Variants in VAV3 observed in about 807,000 individuals in gnomAD.
VAV3 encodes the protein guanine nucleotide exchange factor VAV3.
Under a neutral mutation model 131.2 loss-of-function variants are expected in VAV3, and 94 were observed. The observed-to-expected ratio is 0.72, with a 90% CI of 0.61 to 0.85. The LOEUF (loss-of-function observed/expected upper bound fraction) is 0.85. VAV3 is among the 40% of genes least tolerant of loss of function. The pLI is 0.00. For missense variants in VAV3, 939 were observed against 1,002.7 expected, an observed-to-expected ratio of 0.94 and a Z score of 0.86; for synonymous variants, 349 against 342.0, an observed-to-expected ratio of 1.02 and a Z score of -0.22.
chr1:107,684,954 T>C (rs978843949), intron 18 of VAV3, among the ~76,000 whole-genome samples: 2 of 152,226 alleles, frequency 1.3e-5, no homozygotes, highest in Non-Finnish European at 1.5e-5. Context: ...AATTATTTAA[T>C]GATGGGCAAC....
chr1:107,843,500 G>T (rs1010710587), intron 2 of VAV3, among the ~76,000 whole-genome samples: 2 of 148,286 alleles, frequency 1.3e-5, no homozygotes, highest in Admixed American at 6.7e-5. Context: ...GAATTACACT[G>T]TTGAGATTAA....
chr1:107,905,059 T>A (rs1454416433), intron 1 of VAV3, among the ~76,000 whole-genome samples: 4 of 152,124 alleles, frequency 2.6e-5, no homozygotes, highest in African/African-American at 9.7e-5. Flanking sequence ...AATCAAGGAA[T>A]ATCAAGGAGC....
At chr1:107,777,176 A>G in intron 4 of VAV3, 55 bp downstream of exon 4, 5 of 1,498,740 alleles carry the variant, frequency 3.3e-6, no homozygotes, top group Non-Finnish European at 4.6e-6. Context: ...GTTAAAACCC[A>G]CAATGGACAC....
chr1:107,782,742 G>A (rs764789260), intron 2 of VAV3, among the ~76,000 whole-genome samples: 10 of 152,306 alleles, frequency 6.6e-5, no homozygotes, highest in South Asian at 2.1e-4. Context: ...CTATAAAGGC[G>A]AAGCGTATCC....
In VAV3 at chr1:107,765,060, A is replaced by G. The variant is rs777638087; in HGVS notation, c.921+16T>C. On this transcript the variant is annotated intron_variant, in intron 9 of 26. Coordinates refer to ENST00000370056, the MANE Select transcript of VAV3 (RefSeq NM_006113.5). ...TTTATTTTGCTTTATGTCATAAACT[A>G]AAAATAAATAGGCACCTCTAATTTC... 1.9e-6 allele frequency: 3 copies of G among 1,585,566 alleles called. No homozygotes were observed. The highest frequency in any genetic ancestry group is 2.6e-6 in the Non-Finnish European group (3 of 1,155,354).
intron 15 of VAV3, among the ~76,000 whole-genome samples, chr1:107,737,115 T>C (rs554469633): frequency 6.6e-6 from 1 of 152,358 alleles, no homozygotes; most frequent in South Asian, 2.1e-4. Flanking sequence ...AAGGATTCCC[T>C]ATTTAATAAA....
intron 20 of VAV3, among the ~76,000 whole-genome samples, chr1:107,633,574 C>A (rs1191738058): frequency 1.3e-5 from 2 of 152,142 alleles, no homozygotes; most frequent in Non-Finnish European, 2.9e-5. Flanking sequence ...ATTTTGGTAT[C>A]CTGGTGAACC....
intron 6 of VAV3, 93 bp from the exon 7 acceptor site, chr1:107,768,602 A>C: frequency 9.4e-7 from 1 of 1,068,294 alleles, no homozygotes; most frequent in African/African-American, 1.6e-5. Context: ...TACGTTTTGA[A>C]AGTCAATTGT....
intron 20 of VAV3, among the ~76,000 whole-genome samples, chr1:107,632,096 A>G (rs6679162): frequency 0.38 from 58,008 of 151,940 alleles, 11,533 homozygotes; most frequent in East Asian, 0.48. Flanking sequence ...TCCCACCAAC[A>G]GTGTAAAAGT....
At chr1:107,601,035 G>T (rs1195174559) in intron 24 of VAV3, among the ~76,000 whole-genome samples, 1 of 152,114 alleles carries the variant, frequency 6.6e-6, no homozygotes, top group Non-Finnish European at 1.5e-5. Flanking sequence ...CAGAGATGTG[G>T]AGAGCCCCTG....
chr1:107,932,142 T>C (rs1325379681), intron 1 of VAV3, among the ~76,000 whole-genome samples: 1 of 152,206 alleles, frequency 6.6e-6, no homozygotes, highest in East Asian at 1.9e-4. Flanking sequence ...ATTTACTTTA[T>C]CTGATGTTAC....
intron 2 of VAV3, among the ~76,000 whole-genome samples, chr1:107,795,363 G>T (rs1666485741): frequency 6.6e-6 from 1 of 152,174 alleles, no homozygotes; most frequent in South Asian, 2.1e-4. Flanking sequence ...ACTCTTACAG[G>T]ACTATCAAAC....
chr1:107,611,560 T>C (rs1392372081), intron 21 of VAV3, among the ~76,000 whole-genome samples: 5 of 147,160 alleles, frequency 3.4e-5, no homozygotes, highest in Admixed American at 6.8e-5. Flanking sequence ...GTATAATGTA[T>C]ATATTTATTC....
At chr1:107,729,081 T>C (rs1423055052) in intron 15 of VAV3, among the ~76,000 whole-genome samples, 1 of 152,214 alleles carries the variant, frequency 6.6e-6, no homozygotes, top group African/African-American at 2.4e-5. Context: ...AGGCCAGGCA[T>C]AGTTTTGCCT....
intron 9 of VAV3, 151 bp downstream of exon 9, chr1:107,764,925 T>C: frequency 1.8e-6 from 1 of 547,520 alleles, no homozygotes; most frequent in Non-Finnish European, 3.2e-6. Flanking sequence ...ACCATATTAC[T>C]ATTTTATAGA....
At chr1:107,662,030 T>C (rs540594942) in intron 19 of VAV3, among the ~76,000 whole-genome samples, 3 of 152,326 alleles carry the variant, frequency 2.0e-5, no homozygotes, top group Admixed American at 6.5e-5. Context: ...AGCTGCTCTG[T>C]AAGCAAACAG....
At position 107,602,683 on chromosome 1, in the gene VAV3, T is replaced by C. The variant is rs540590992; in HGVS notation, c.2133-199A>G. On this transcript the variant is annotated intron_variant, in intron 23 of 26. Coordinates refer to ENST00000370056, the MANE Select transcript of VAV3 (RefSeq NM_006113.5). Reference sequence around the variant, plus strand: ...TTGAGGATACAACCAATATTTGAAGTGAGAAGGGAGGTTGGATTTGACTAT... The same window carrying C: ...TTGAGGATACAACCAATATTTGAAGCGAGAAGGGAGGTTGGATTTGACTAT... 2.6e-5 allele frequency among the ~76,000 whole-genome samples: 4 copies of C among 152,168 alleles called. No individual in the cohort carries two copies. The South Asian group carries it at 8.3e-4, about 32-fold the overall frequency.
At chr1:107,925,282 G>A (rs1673095312) in intron 1 of VAV3, among the ~76,000 whole-genome samples, 1 of 152,158 alleles carries the variant, frequency 6.6e-6, no homozygotes, top group South Asian at 2.1e-4. Flanking sequence ...AACTACATAG[G>A]AGAGTCAGTT....
intron 2 of VAV3, among the ~76,000 whole-genome samples, chr1:107,786,059 A>G (rs1665988509): frequency 6.6e-6 from 1 of 152,166 alleles, no homozygotes; most frequent in Non-Finnish European, 1.5e-5. Flanking sequence ...CTGTTGAAAA[A>G]TGTCCTTAGC....
Sources: allele counts gnomAD v4.1 joint callset (sites outside exome capture counted in the v4.1 genomes callset), GRCh38; gene constraint gnomAD v4.1.1; transcripts MANE v1.5; gene names NCBI Gene and HGNC (gene_info 2026-07-23, HGNC 2026-07-21).